The following ADAR variants were observed in gnomAD, a reference collection of about 807,000 sequenced individuals.
ADAR encodes the protein adenosine deaminase RNA specific, also known as double-stranded RNA-specific adenosine deaminase.
A neutral mutation model predicts 113.2 loss-of-function variants in ADAR; 41 were observed. That is an observed-to-expected ratio of 0.36 (90% confidence interval 0.28 to 0.47). The LOEUF (loss-of-function observed/expected upper bound fraction) is 0.47, where lower values mean the gene tolerates loss of function less well. ADAR is among the 20% of genes least tolerant of loss of function. The pLI is 1.00. For missense variants in ADAR, 1,242 were observed against 1,540.9 expected, an observed-to-expected ratio of 0.81 and a Z score of 3.25; for synonymous variants, 605 against 572.6, an observed-to-expected ratio of 1.06 and a Z score of -0.81.
intron 2 of ADAR, among the ~76,000 whole-genome samples, chr1:154,598,840 CAG>C (rs1400005729): frequency 6.6e-6 from 1 of 152,214 alleles, no homozygotes; most frequent in Non-Finnish European, 1.5e-5. Flanking sequence ...GAAACTAGCT[CAG>C]GGGAAACCCA....
At chr1:154,610,839 A>AAAAAAAAAACAAAAAAAAC (rs1698465029), upstream of ADAR, among the ~76,000 whole-genome samples, 1 of 144,168 alleles carries the variant, frequency 6.9e-6, no homozygotes, top group African/African-American at 2.6e-5. Flanking sequence ...AAAAAAAAAA[A>AAAAAAAAAACAAAAAAAAC]AAGACAAAAT....
intron 1 of ADAR, among the ~76,000 whole-genome samples, chr1:154,605,671 G>A (rs1276824422): frequency 6.6e-6 from 1 of 152,054 alleles, no homozygotes; most frequent in Non-Finnish European, 1.5e-5. Context: ...TTGAATTAAT[G>A]ACTGCATGAA....
chr1:154,590,158 A>T (rs1454618810), intron 7 of ADAR, 26 bp downstream of exon 7: 3 of 940,242 alleles, frequency 3.2e-6, no homozygotes, highest in South Asian at 1.3e-5. Context: ...CGCCCCAAAA[A>T]AGGCACCAAA....
rs142002728 is a variant in ADAR at position 154,613,332 on chromosome 1, T to C, written c.-870-10706A>G. ...CAGAATCTCACTCTGTTATCCAGGCTGGAGTGCAGTGGCATGATCTCGGCT... is the reference window on the plus strand; with the variant it reads ...CAGAATCTCACTCTGTTATCCAGGCCGGAGTGCAGTGGCATGATCTCGGCT... On this transcript the variant is annotated intron_variant, in intron 1 of 14. Transcript: ENST00000368471. 9.3e-3 allele frequency among the ~76,000 whole-genome samples: 1,281 copies of C among 137,944 alleles called. 20 individuals are homozygous for C. Among genetic ancestry groups the C allele is most frequent in the African/African-American group, 0.032 (1,207 of 37,428 alleles). The allele number at this position is 137,944 out of a possible 152,430, so 90.5% of individuals were successfully genotyped here.
intron 1 of ADAR, among the ~76,000 whole-genome samples, chr1:154,607,504 G>T (rs761696854): frequency 6.6e-6 from 1 of 150,516 alleles, no homozygotes; most frequent in Non-Finnish European, 1.5e-5. Flanking sequence ...AAGTCCGAAC[G>T]TTGTTCAAGT....
rs1369486497 is a variant in ADAR at position 154,584,495 on chromosome 1, A to G, written c.*311T>C. On this transcript the variant is annotated 3_prime_UTR_variant, in exon 15 of 15. Coordinates refer to ENST00000368474, the MANE Select transcript of ADAR (RefSeq NM_001111.5). ...AAGGAAATGGAAACAAATCAAAACA[A>G]AACTTTTAAGAGGAAATGGACCGCA... 1 of 349,374 alleles carries G rather than the reference A, an allele frequency of 2.9e-6. No homozygotes were observed. Among genetic ancestry groups the G allele is most frequent in the Non-Finnish European group, 5.2e-6 (1 of 190,954 alleles). The allele number at this position is 349,374 out of a possible 1,614,324, so 21.6% of individuals were successfully genotyped here. A position where few individuals can be genotyped will look rare whatever the true frequency, so the allele number is the denominator to read the frequency against.
rs149496690 is a variant in ADAR, at chr1:154,586,212, C to T, written c.3171G>A (p.Leu1057=). 156 of 1,614,084 alleles carry T rather than the reference C, an allele frequency of 9.7e-5. No homozygotes were observed. Among genetic ancestry groups the T allele is most frequent in the Non-Finnish European group, 1.2e-4 (143 of 1,180,038 alleles). The change falls in exon 12 of 15, where the codon CTG becomes CTA. Residue 1057 remains leucine (L), a synonymous_variant. Transcript: ENST00000368474. ...TGACAGATTTGAGATAAATGGGCTG[C>T]AGGAAGTGGGTCAACAGTGCCCCTT... ...GLQGALLTHF[L]QPIYLKSVTL...
rs547466733 is a variant in ADAR, at chr1:154,608,116, G to A, written c.-110C>T. ...CCCACGCCTCCGCTACTCCGCACTG[G>A]AAGTGGCCCCGGGGCGTCGGCACGG... is the stretch of plus-strand genomic sequence containing the variant. On this transcript the variant is annotated 5_prime_UTR_variant, in exon 1 of 15. Coordinates refer to ENST00000368474, the MANE Select transcript of ADAR (RefSeq NM_001111.5). 3 of 1,375,114 alleles carry A rather than the reference G, an allele frequency of 2.2e-6. No homozygotes were observed. The highest frequency in any genetic ancestry group is 9.5e-7 in the Non-Finnish European group (1 of 1,048,080). The allele number at this position is 1,375,114 out of a possible 1,614,324, so 85.2% of individuals were successfully genotyped here.
chr1:154,594,415 C>T (rs921656279), intron 6 of ADAR, among the ~76,000 whole-genome samples: 5 of 152,184 alleles, frequency 3.3e-5, no homozygotes, highest in African/African-American at 1.2e-4. Context: ...TTCACCTCTC[C>T]CCTCACTTTA....
At chr1:154,627,688 A>T (rs1431485179) in intron 1 of ADAR, among the ~76,000 whole-genome samples, 1 of 152,192 alleles carries the variant, frequency 6.6e-6, no homozygotes, top group Non-Finnish European at 1.5e-5. Flanking sequence ...GAGACCGGCC[A>T]CTGTGCCCCT....
rs1697845438 is a variant in ADAR at position 154,601,139 on chromosome 1, C to T, written c.1503G>A (p.Leu501=). The T allele has an allele frequency of 6.2e-7, 1 of 1,614,212 alleles. No individual in the cohort carries two copies. Among genetic ancestry groups the T allele is most frequent in the Non-Finnish European group, 8.5e-7 (1 of 1,180,044 alleles). The change falls in exon 2 of 15, where the codon CTG becomes CTA. Residue 501 remains leucine, a synonymous_variant. Transcript: ENST00000368474. This position sits in a 1 kb window ranked among gnomAD's most constrained non-coding sequence, Gnocchi z 4.7. The part of the protein sequence containing the change: ...SPYKKLTECQ[L]KNPISGLLEY... ...CTAACAGCCCGCTGATGGGGTTCTTCAGCTGGCACTCTGTCAGTTTCTTGT... is the reference window on the plus strand; with the variant it reads ...CTAACAGCCCGCTGATGGGGTTCTTTAGCTGGCACTCTGTCAGTTTCTTGT...
intron 2 of ADAR, among the ~76,000 whole-genome samples, chr1:154,599,032 A>G (rs1025402667): frequency 2.0e-5 from 3 of 152,044 alleles, no homozygotes; most frequent in Non-Finnish European, 4.4e-5. Flanking sequence ...CCAGTCTCAC[A>G]CTCCCCACTA....
rs1557882064 is a variant in ADAR at position 154,598,541 on chromosome 1, G to T, written c.1646C>A (p.Ala549Asp). The T allele has an allele frequency of 6.2e-7, 1 of 1,614,212 alleles. No individual in the cohort carries two copies. Among genetic ancestry groups the T allele is most frequent in the African/African-American group, 1.3e-5 (1 of 75,060 alleles). ...GGCCACTTTCTTGCTTCCAGCTTCAGCTGGGGGAAACTCTCGGCCATTGAT... is the reference window on the plus strand; with the variant it reads ...GGCCACTTTCTTGCTTCCAGCTTCATCTGGGGGAAACTCTCGGCCATTGAT... ...VVINGREFPP[A>D]EAGSKKVAKQ... The change falls in exon 3 of 15, where the codon GCT becomes GAT. Residue 549 changes from alanine (A) to aspartate (D), a missense_variant. Physicochemically the swap from Ala to Asp is moderately radical, Grantham distance 126 (BLOSUM62 -2). Coordinates refer to ENST00000368474, the MANE Select transcript of ADAR (RefSeq NM_001111.5).
chr1:154,590,552 T>G (rs1697076932), intron 6 of ADAR, 143 bp from the exon 7 acceptor site: 1 of 779,382 alleles, frequency 1.3e-6, no homozygotes, highest in African/African-American at 1.7e-5. Flanking sequence ...CAGCATTTCC[T>G]AGATTTTGGT....
At chr1:154,612,318 GTTTTTTT>G (rs55714254), upstream of ADAR, among the ~76,000 whole-genome samples, 15 of 69,178 alleles carry the variant, frequency 2.2e-4, no homozygotes, top group Non-Finnish European at 3.3e-4. Context: ...AAATTACTCA[GTTTTTTT>G]TTTTTTTTTT....
rs1037623708 is a variant in ADAR at position 154,583,495 on chromosome 1, T to C, written c.*1311A>G. 2.6e-5 allele frequency: 4 copies of C among 152,162 alleles called. No homozygotes were observed. The highest frequency in any genetic ancestry group is 9.7e-5 in the African/African-American group (4 of 41,422). The allele number at this position is 152,162 out of a possible 1,614,324, so 9.4% of individuals were successfully genotyped here. ...TGTTCATGGAGGTATAGACAAAGGA[T>C]TCTACCTCACAGAGTTTGAAGACAA... On this transcript the variant is annotated 3_prime_UTR_variant, in exon 15 of 15. Coordinates refer to ENST00000368474, the MANE Select transcript of ADAR (RefSeq NM_001111.5).
rs1275344699 is a variant in ADAR, at chr1:154,608,175, T to C, written c.-169A>G. On this transcript the variant is annotated 5_prime_UTR_variant, in exon 1 of 15. Coordinates refer to ENST00000368474, the MANE Select transcript of ADAR (RefSeq NM_001111.5). ...GCGGGTCTGCGCGCCGGGCCCAAGA[T>C]GGCTCCGGTTCAATTTCGCTTTCGT... The C allele has an allele frequency of 9.0e-6, 7 of 776,380 alleles. No homozygotes were observed. The highest frequency in any genetic ancestry group is 1.3e-5 in the Non-Finnish European group (7 of 523,402). The allele number at this position is 776,380 out of a possible 1,614,324, so 48.1% of individuals were successfully genotyped here.
At chr1:154,587,601 G>C (rs192644337) in intron 11 of ADAR, among the ~76,000 whole-genome samples, 3 of 152,244 alleles carry the variant, frequency 2.0e-5, no homozygotes, top group Admixed American at 6.5e-5. Context: ...CTGCTGACGT[G>C]GCCTGAACGC....
At position 154,596,871 on chromosome 1, in the gene ADAR, G is replaced by A; in HGVS notation, c.2204C>T (p.Ala735Val). Residue 735 changes from alanine to valine, a missense_variant, in exon 6 of 15, where the codon GCC becomes GTC. Transcript: ENST00000368474. ...TTCAGCAGCAAAGCCATGGGAGCGG[G>A]CGTACTCCAAAAGGCCACCCACAGG... ...TNPVGGLLEY[A>V]RSHGFAAEFK... 6.2e-7 allele frequency: 1 copy of A among 1,614,154 alleles called. No homozygotes were observed. The highest frequency in any genetic ancestry group is 8.5e-7 in the Non-Finnish European group (1 of 1,180,040).
Sources: gnomAD v4.1 joint callset for allele counts (sites outside exome capture counted in the v4.1 genomes callset) on GRCh38, gnomAD v4.1.1 for gene constraint, Gnocchi (gnomAD v3.1) non-coding constraint, MANE v1.5 for transcripts, NCBI Gene and HGNC (gene_info 2026-07-23, HGNC 2026-07-21) for gene names.